The following NF1 variants were observed in gnomAD, a reference collection of about 807,000 sequenced individuals.
The protein encoded by NF1 is neurofibromin.
NF1 carries 122 observed loss-of-function variants against 325.7 expected under a neutral mutation model. That is an observed-to-expected ratio of 0.37 (90% confidence interval 0.32 to 0.44). The LOEUF (loss-of-function observed/expected upper bound fraction) is 0.44. NF1 is among the 20% of genes least tolerant of loss of function. NF1 has a pLI of 1.00. For missense variants in NF1, 2,140 were observed against 3,415.4 expected (o/e 0.63, Z 9.31); for synonymous variants, 1,091 against 1,186.0 (o/e 0.92, Z 1.65).
chr17:31,318,768 G>A, intron 36 of NF1: 10 of 1,614,048 alleles, frequency 6.2e-6, no homozygotes, highest in Non-Finnish European at 7.6e-6. Flanking sequence ...AAGCTACGAT[G>A]TGAGATGTTT....
At chr17:31,267,254 G>A (rs2151472273) in intron 36 of NF1, among the ~76,000 whole-genome samples, 1 of 152,160 alleles carries the variant, frequency 6.6e-6, no homozygotes, top group African/African-American at 2.4e-5. Flanking sequence ...TCTTAGATAA[G>A]TTTATTTTTC....
At chr17:31,331,453 A>G (rs1323218358) in intron 39 of NF1, 1 of 152,208 alleles carries the variant, frequency 6.6e-6, no homozygotes, top group Admixed American at 6.5e-5. Context: ...TTCTACATAA[A>G]AGTGCAATAA....
At chr17:31,350,449 G>A in intron 50 of NF1, 131 bp downstream of exon 50, 1 of 732,650 alleles carries the variant, frequency 1.4e-6, no homozygotes, top group African/African-American at 1.8e-5. Flanking sequence ...GGAAGAGTAA[G>A]TGAAACTCAT....
At chr17:31,301,646 T>C (rs568766609) in intron 36 of NF1, among the ~76,000 whole-genome samples, 1 of 152,330 alleles carries the variant, frequency 6.6e-6, no homozygotes, top group Non-Finnish European at 1.5e-5. Context: ...ATGTAGGTGC[T>C]CTTTGGTCCT....
chr17:31,179,857 G>A (rs2066094232), intron 5 of NF1, among the ~76,000 whole-genome samples: 1 of 151,674 alleles, frequency 6.6e-6, no homozygotes, highest in African/African-American at 2.4e-5. Context: ...CCACTAGCCA[G>A]ACTCATAAAG....
rs1911590855 is a variant in NF1 at position 31,095,513 on chromosome 17, GA to G, written c.60+145del. 18 of 497,970 alleles carry G rather than the reference GA, an allele frequency of 3.6e-5. No homozygotes were observed. The East Asian group carries it at 9.3e-4, about 26-fold the overall frequency. 30.8% of individuals were successfully genotyped at this position (497,970 alleles called of 1,614,324 possible). On this transcript the variant is annotated intron_variant, in intron 1 of 57. Coordinates refer to ENST00000358273, the MANE Select transcript of NF1 (RefSeq NM_001042492.3). ...GGGAAGGGAAGAGAAGGGAAGGGGG[GA>G]TAAGTGGGGGTGGCCAAGGCGGGAG...
rs998368165 is a variant in NF1, at chr17:31,319,086, T to C, written c.4836-6734T>C. ...GAATAATGGATCCTAGTTTTGGTAATTGTAGTTAAAAGATAGTGTTGAGAT... is the reference window on the plus strand; with the variant it reads ...GAATAATGGATCCTAGTTTTGGTAACTGTAGTTAAAAGATAGTGTTGAGAT... On this transcript the variant is annotated intron_variant, in intron 36 of 57. Transcript: ENST00000358273. The C allele has an allele frequency of 3.3e-6, 5 of 1,493,924 alleles. No individual in the cohort carries two copies. In the African/African-American group the frequency reaches 5.6e-5, roughly 17 times the overall value. The allele number at this position is 1,493,924 out of a possible 1,614,324, so 92.5% of individuals were successfully genotyped here.
intron 51 of NF1, among the ~76,000 whole-genome samples, chr17:31,354,308 A>G (rs2070219929): frequency 6.6e-6 from 1 of 152,196 alleles, no homozygotes. Flanking sequence ...AAGATTTAAT[A>G]TATGCTTGCA....
chr17:31,270,380 G>C (rs142648828), intron 36 of NF1, among the ~76,000 whole-genome samples: 42 of 152,284 alleles, frequency 2.8e-4, no homozygotes, highest in South Asian at 1.5e-3. Context: ...AGGCCAAGGC[G>C]GGGAAATCAC....
At chr17:31,326,692 T>C (rs1426429950) in intron 37 of NF1, among the ~76,000 whole-genome samples, 1 of 152,090 alleles carries the variant, frequency 6.6e-6, no homozygotes, top group Non-Finnish European at 1.5e-5. Context: ...AGACCAACAT[T>C]TGTGTCATCA....
intron 1 of NF1, among the ~76,000 whole-genome samples, chr17:31,129,957 G>A (rs1475818231): frequency 6.6e-6 from 1 of 152,054 alleles, no homozygotes; most frequent in South Asian, 2.1e-4. Flanking sequence ...CGGAGAGCTA[G>A]TGCAGTCGTT....
chr17:31,341,617 G>GTA (rs1555535287), intron 47 of NF1, among the ~76,000 whole-genome samples: 3,261 of 148,340 alleles, frequency 0.022, 111 homozygotes, highest in African/African-American at 0.07. Flanking sequence ...GTGTGTGTGT[G>GTA]TGTACACACA....
intron 5 of NF1, among the ~76,000 whole-genome samples, chr17:31,177,084 A>G (rs966842908): frequency 2.2e-4 from 34 of 152,194 alleles, no homozygotes; most frequent in Non-Finnish European, 4.3e-4. Context: ...GAATCTATAA[A>G]TTGCTTTGGG....
intron 29 of NF1, among the ~76,000 whole-genome samples, chr17:31,243,326 A>G (rs868109345): frequency 4.6e-5 from 7 of 151,880 alleles, no homozygotes; most frequent in East Asian, 1.9e-4. Context: ...ACTACCACCT[A>G]TGTTCACTCA....
chr17:31,145,594 G>C (rs1274434082), intron 1 of NF1, among the ~76,000 whole-genome samples: 3 of 151,998 alleles, frequency 2.0e-5, no homozygotes, highest in African/African-American at 7.2e-5. Context: ...TGGTTACTTA[G>C]AACTCCTTAA....
At chr17:31,108,262 G>GTTTT (rs56180844) in intron 1 of NF1, among the ~76,000 whole-genome samples, 1 of 82,534 alleles carries the variant, frequency 1.2e-5, no homozygotes, top group Non-Finnish European at 2.2e-5. Context: ...AAAGTAGAGA[G>GTTTT]TTTTTTTTTT....
rs141322264 is a variant in NF1 at position 31,145,751 on chromosome 17, T to G, written c.61-10232T>G. Among the ~76,000 whole-genome samples the G allele has an allele frequency of 2.3e-4, 35 of 152,276 alleles. No homozygotes were observed. The East Asian group carries it at 6.6e-3, about 29-fold the overall frequency. On this transcript the variant is annotated intron_variant, in intron 1 of 57. Transcript: ENST00000358273. ...GGAGGCCAAAATATATTTTAAAAAT[T>G]CTTCTGACTAAAGGGAGATGAAGTA... is the stretch of plus-strand genomic sequence containing the variant.
chr17:31,226,732 T>G, intron 18 of NF1, 48 bp downstream of exon 18: 1 of 1,610,326 alleles, frequency 6.2e-7, no homozygotes, highest in Non-Finnish European at 8.5e-7. Context: ...TCAAAGCACA[T>G]GGCATCTGAT....
intron 36 of NF1, among the ~76,000 whole-genome samples, chr17:31,306,388 T>C (rs1333361587): frequency 2.4e-4 from 36 of 152,164 alleles, no homozygotes. Flanking sequence ...TTTTTCCATA[T>C]TTTATATATA....
Sources: gnomAD v4.1 joint callset for allele counts (sites outside exome capture counted in the v4.1 genomes callset) on GRCh38, gnomAD v4.1.1 for gene constraint, MANE v1.5 for transcripts, NCBI Gene and HGNC (gene_info 2026-07-23, HGNC 2026-07-21) for gene names.